GAB1: variants seen among roughly 807,000 people sequenced by gnomAD.
The protein encoded by GAB1 is GRB2-associated-binding protein 1.
In GAB1, 19 loss-of-function variants were observed where a neutral mutation model predicts 66.5. The ratio of observed to expected loss-of-function variants is 0.29; its 90% confidence interval spans 0.20 to 0.42. The LOEUF (loss-of-function observed/expected upper bound fraction) is 0.42, where lower values mean the gene tolerates loss of function less well. Ranked by LOEUF, GAB1 falls within the 10% of genes least tolerant of loss-of-function variation. The pLI is 1.00. For synonymous variants in GAB1, 294 were observed against 301.4 expected, an observed-to-expected ratio of 0.98 and a Z score of 0.25; for missense variants, 732 against 858.5, an observed-to-expected ratio of 0.85 and a Z score of 1.84.
At chr4:143,456,206 C>T (rs1312254007) in intron 6 of GAB1, among the ~76,000 whole-genome samples, 1 of 152,110 alleles carries the variant, frequency 6.6e-6, no homozygotes, top group Non-Finnish European at 1.5e-5. Context: ...GCCTGTAATC[C>T]CAGCACTTTG....
chr4:143,375,702 A>G (rs974217496), intron 1 of GAB1, among the ~76,000 whole-genome samples: 5 of 152,244 alleles, frequency 3.3e-5, no homozygotes, highest in Admixed American at 3.3e-4. Flanking sequence ...ATGACAAATC[A>G]TTTAGTTTCC....
intron 1 of GAB1, chr4:143,349,536 T>TGC: frequency 6.6e-7 from 1 of 1,513,734 alleles, no homozygotes; most frequent in Non-Finnish European, 9.0e-7. Flanking sequence ...TAGGCACAGG[T>TGC]GCGGAGACGA....
intron 1 of GAB1, among the ~76,000 whole-genome samples, chr4:143,360,746 C>G (rs777126483): frequency 5.9e-5 from 9 of 151,972 alleles, no homozygotes; most frequent in Admixed American, 2.6e-4. Flanking sequence ...CAATTTTGGT[C>G]TTACTGAAAA....
At chr4:143,445,448 T>C (rs1734457788) in intron 6 of GAB1, among the ~76,000 whole-genome samples, 2 of 152,196 alleles carry the variant, frequency 1.3e-5, no homozygotes, top group South Asian at 2.1e-4. Flanking sequence ...TACTTGTTTT[T>C]TGCTTGTTGA....
chr4:143,380,338 T>C (rs1730606195), intron 1 of GAB1, among the ~76,000 whole-genome samples: 1 of 152,172 alleles, frequency 6.6e-6, no homozygotes, highest in Non-Finnish European at 1.5e-5. Flanking sequence ...TTATATGCTG[T>C]TATGAGGCAA....
At chr4:143,387,984 A>G (rs1325502575) in intron 1 of GAB1, among the ~76,000 whole-genome samples, 3 of 152,164 alleles carry the variant, frequency 2.0e-5, no homozygotes, top group South Asian at 2.1e-4. Context: ...ATTTGGGACT[A>G]TGGCTTAGCA....
At chr4:143,385,115 G>A (rs1037545315) in intron 1 of GAB1, among the ~76,000 whole-genome samples, 2 of 152,154 alleles carry the variant, frequency 1.3e-5, no homozygotes, top group African/African-American at 2.4e-5. Context: ...CTACTTAGGA[G>A]CAGTATCACT....
chr4:143,400,758 G>A (rs899438595), intron 1 of GAB1, among the ~76,000 whole-genome samples: 2 of 151,934 alleles, frequency 1.3e-5, no homozygotes, highest in Admixed American at 6.6e-5. Flanking sequence ...ACCTGAGGTC[G>A]GGAGTTCAAG....
intron 2 of GAB1, among the ~76,000 whole-genome samples, chr4:143,433,046 A>C (rs894247556): frequency 1.6e-4 from 25 of 152,232 alleles, no homozygotes; most frequent in African/African-American, 6.0e-4. Flanking sequence ...ATCGAAATAA[A>C]CAGGGTAAAG....
intron 1 of GAB1, among the ~76,000 whole-genome samples, chr4:143,360,019 A>AT (rs2149655951): frequency 6.6e-6 from 1 of 152,276 alleles, no homozygotes; most frequent in South Asian, 2.1e-4. Flanking sequence ...AGCCTGCTTG[A>AT]TTTTTTAGTG....
intron 1 of GAB1, among the ~76,000 whole-genome samples, chr4:143,339,610 G>T (rs1166896415): frequency 6.6e-6 from 1 of 152,216 alleles, no homozygotes; most frequent in Non-Finnish European, 1.5e-5. Flanking sequence ...TATGGATCAG[G>T]TGCACAGTGC....
intron 1 of GAB1, among the ~76,000 whole-genome samples, chr4:143,377,440 T>A (rs1730467530): frequency 6.6e-6 from 1 of 152,196 alleles, no homozygotes; most frequent in African/African-American, 2.4e-5. Flanking sequence ...TTTGTTGAAA[T>A]TTATAACTGA....
At chr4:143,468,935 G>T in intron 9 of GAB1, 96 bp from the exon 10 acceptor site, 1 of 1,267,424 alleles carries the variant, frequency 7.9e-7, no homozygotes, top group Non-Finnish European at 1.1e-6. Context: ...AAAAAAAAAA[G>T]TATTCACAGT....
intron 1 of GAB1, among the ~76,000 whole-genome samples, chr4:143,356,270 A>G (rs1581221661): frequency 2.0e-5 from 3 of 152,352 alleles, no homozygotes; most frequent in South Asian, 2.1e-4. Context: ...ATTAACTCAG[A>G]TAAAATAACT....
chr4:143,464,656 C>A (rs761880104), intron 8 of GAB1, among the ~76,000 whole-genome samples: 1 of 152,094 alleles, frequency 6.6e-6, no homozygotes, highest in Non-Finnish European at 1.5e-5. Flanking sequence ...ATACTGCATA[C>A]CTGATTATAT....
At chr4:143,426,043 A>G in intron 2 of GAB1, 2 of 587,720 alleles carry the variant, frequency 3.4e-6, no homozygotes, top group African/African-American at 1.9e-5. Context: ...ATAAGGTGTT[A>G]GAGTTTGTTA....
At chr4:143,391,862 A>C (rs1578644007) in intron 1 of GAB1, among the ~76,000 whole-genome samples, 1 of 152,184 alleles carries the variant, frequency 6.6e-6, no homozygotes, top group South Asian at 2.1e-4. Context: ...AGGACAGCCA[A>C]GTTGTGAGTT....
At chr4:143,411,793 A>G (rs1006609881) in intron 1 of GAB1, among the ~76,000 whole-genome samples, 5 of 152,212 alleles carry the variant, frequency 3.3e-5, no homozygotes, top group Non-Finnish European at 7.3e-5. Flanking sequence ...GCTTTGTACC[A>G]TAATCCAGAG....
chr4:143,460,024 C>T (rs1467131710), intron 7 of GAB1, among the ~76,000 whole-genome samples: 2 of 150,888 alleles, frequency 1.3e-5, no homozygotes, highest in Non-Finnish European at 3.0e-5. Context: ...GTTCATGTTT[C>T]GTGTGTGTGT....
Sources: gnomAD v4.1 joint callset for allele counts (sites outside exome capture counted in the v4.1 genomes callset) on GRCh38, gnomAD v4.1.1 for gene constraint, MANE v1.5 for transcripts, NCBI Gene and HGNC (gene_info 2026-07-23, HGNC 2026-07-21) for gene names.